Variants in CNKSR2 observed in about 807,000 individuals in gnomAD.
CNKSR2 encodes connector enhancer of kinase suppressor of Ras 2, also known as CNK homolog protein 2.
A neutral mutation model predicts 84.4 loss-of-function variants in CNKSR2; 14 were observed. The observed-to-expected ratio is 0.17, with a 90% CI of 0.11 to 0.26. CNKSR2 has a LOEUF of 0.26. Ranked by LOEUF, CNKSR2 falls within the 10% of genes least tolerant of loss-of-function variation. The pLI is 1.00. For synonymous variants in CNKSR2, 275 were observed against 277.9 expected (o/e 0.99, Z 0.10); for missense variants, 485 against 771.2 (o/e 0.63, Z 4.40).
At chrX:21,546,585 A>G (rs1034781851) in intron 11 of CNKSR2, among the ~76,000 whole-genome samples, 2 of 110,954 alleles carry the variant, frequency 1.8e-5, no homozygotes, top group African/African-American at 6.6e-5. Flanking sequence ...GAAAACCACA[A>G]AGATACTCCT....
At chrX:21,427,177 T>TA (rs1203610625) in intron 2 of CNKSR2, 3 of 112,956 alleles carry the variant, frequency 2.7e-5, no homozygotes, top group Non-Finnish European at 5.6e-5. Context: ...TGTACAGTTC[T>TA]GGGTTTAAGC....
chrX:21,394,587 T>C (rs1033230536), intron 1 of CNKSR2, among the ~76,000 whole-genome samples: 2 of 111,608 alleles, frequency 1.8e-5, no homozygotes, highest in Non-Finnish European at 3.8e-5. Context: ...AGCATTGTTG[T>C]TGATGGGTCC....
At chrX:21,390,410 G>A (rs1364722516) in intron 1 of CNKSR2, among the ~76,000 whole-genome samples, 1 of 110,979 alleles carries the variant, frequency 9.0e-6, no homozygotes, top group Admixed American at 9.6e-5. Flanking sequence ...ACATGGCTGG[G>A]GAAACCTCAG....
chrX:21,482,577 T>C (rs923348123), intron 5 of CNKSR2, among the ~76,000 whole-genome samples: 1 of 112,220 alleles, frequency 8.9e-6, no homozygotes, highest in East Asian at 2.8e-4. Context: ...TAGGAGGAAA[T>C]TATGCTTTTA....
At chrX:21,469,545 T>G (rs931143577) in intron 4 of CNKSR2, among the ~76,000 whole-genome samples, 3 of 110,493 alleles carry the variant, frequency 2.7e-5, no homozygotes, top group African/African-American at 9.9e-5. Context: ...GGAAATGGGT[T>G]TGTTTTTTTT....
chrX:21,439,979 C>T (rs551215462), intron 3 of CNKSR2, among the ~76,000 whole-genome samples: 1 of 110,009 alleles, frequency 9.1e-6, no homozygotes, highest in African/African-American at 3.3e-5. Context: ...CAATATTTCT[C>T]AGGAACTTAG....
chrX:21,430,042 A>G (rs1206478199), intron 2 of CNKSR2, among the ~76,000 whole-genome samples: 2 of 112,133 alleles, frequency 1.8e-5, no homozygotes, highest in African/African-American at 6.5e-5. Context: ...TTTTTAAAAC[A>G]TGTTTTTAGA....
intron 4 of CNKSR2, among the ~76,000 whole-genome samples, chrX:21,460,699 A>G (rs1354516734): frequency 1.8e-5 from 2 of 111,034 alleles, no homozygotes; most frequent in Non-Finnish European, 3.8e-5. Context: ...CCCCACTGCT[A>G]TATTTCCCAG....
intron 11 of CNKSR2, 36 bp from the exon 12 acceptor site, chrX:21,561,435 A>C (rs767438792): frequency 1.8e-6 from 2 of 1,081,627 alleles, no homozygotes; most frequent in East Asian, 6.1e-5. Flanking sequence ...TGGGGAAGAA[A>C]AACAATGTGA....
intron 6 of CNKSR2, chrX:21,494,084 T>C (rs1343083653): frequency 9.0e-6 from 1 of 111,711 alleles, no homozygotes; most frequent in Non-Finnish European, 1.9e-5. Flanking sequence ...CTATAACTAC[T>C]AGATACTGTC....
At chrX:21,521,183 T>G (rs902971123) in intron 9 of CNKSR2, among the ~76,000 whole-genome samples, 5 of 110,238 alleles carry the variant, frequency 4.5e-5, no homozygotes, top group Admixed American at 2.9e-4. Context: ...ACAAAAAAAT[T>G]TATCTGTTTC....
intron 21 of CNKSR2, among the ~76,000 whole-genome samples, chrX:21,650,139 G>A (rs2147347746): frequency 9.0e-6 from 1 of 111,185 alleles, no homozygotes; most frequent in Non-Finnish European, 1.9e-5. Context: ...TGTTTATTGT[G>A]GCACTGTTCA....
At chrX:21,515,545 G>T (rs2091719070) in intron 8 of CNKSR2, among the ~76,000 whole-genome samples, 1 of 110,938 alleles carries the variant, frequency 9.0e-6, no homozygotes. Context: ...TCTTCTAAAT[G>T]TGAATTTTTT....
At chrX:21,431,190 C>T (rs2090629516) in intron 2 of CNKSR2, among the ~76,000 whole-genome samples, 1 of 111,341 alleles carries the variant, frequency 9.0e-6, no homozygotes, top group Non-Finnish European at 1.9e-5. Context: ...AAAAAAGACA[C>T]CTAAATGTTA....
At chrX:21,463,329 A>G (rs766905492) in intron 4 of CNKSR2, among the ~76,000 whole-genome samples, 1 of 110,937 alleles carries the variant, frequency 9.0e-6, no homozygotes, top group Non-Finnish European at 1.9e-5. Flanking sequence ...GTACCAGGGT[A>G]ATATTGGCCT....
intron 4 of CNKSR2, among the ~76,000 whole-genome samples, chrX:21,446,359 A>G (rs934756659): frequency 9.0e-6 from 1 of 111,470 alleles, no homozygotes; most frequent in Admixed American, 9.6e-5. Flanking sequence ...AGGTGTGTGT[A>G]TGAGAATATT....
chrX:21,630,019 G>A (rs1220574804), intron 20 of CNKSR2, among the ~76,000 whole-genome samples: 2 of 111,679 alleles, frequency 1.8e-5, no homozygotes, highest in African/African-American at 3.3e-5. Context: ...GATATCAAGG[G>A]CATTCTGAAT....
Position 21,374,691 on chromosome X carries a change from G to A in CNKSR2, c.-207G>A. ...GACCCGGCGCGGAGCCACGACTCCT[G>A]CACGTTTACCTCCCTGTCGCCGTTC... On this transcript the variant is annotated 5_prime_UTR_variant, in exon 1 of 22. Transcript: ENST00000379510. 1 of 509,283 alleles carries A rather than the reference G, an allele frequency of 2.0e-6. No individual in the cohort carries two copies. Among genetic ancestry groups the A allele is most frequent in the Non-Finnish European group, 3.5e-6 (1 of 283,703 alleles). 42.0% of individuals were successfully genotyped at this position (509,283 alleles called of 1,213,427 possible). A position where few individuals can be genotyped will look rare whatever the true frequency, so the allele number is the denominator to read the frequency against.
intron 2 of CNKSR2, 72 bp from the exon 3 acceptor site, chrX:21,432,540 G>A: frequency 1.3e-6 from 1 of 751,188 alleles, no homozygotes; most frequent in East Asian, 3.2e-5. Flanking sequence ...GCATAATAAA[G>A]TATTCAGTAA....
Sources: gnomAD v4.1 joint callset for allele counts (sites outside exome capture counted in the v4.1 genomes callset) on GRCh38, gnomAD v4.1.1 for gene constraint, MANE v1.5 for transcripts, NCBI Gene and HGNC (gene_info 2026-07-23, HGNC 2026-07-21) for gene names.